ATXN7L1: variants seen among roughly 807,000 people sequenced by gnomAD.
ATXN7L1 encodes ataxin-7-like protein 1.
A neutral mutation model predicts 70.8 loss-of-function variants in ATXN7L1; 15 were observed. The ratio of observed to expected loss-of-function variants is 0.21; its 90% CI spans 0.14 to 0.33. The LOEUF (loss-of-function observed/expected upper bound fraction) is 0.33, where lower values mean the gene tolerates loss of function less well. Ranked by LOEUF, ATXN7L1 falls within the 10% of genes least tolerant of loss-of-function variation. The pLI, the probability that ATXN7L1 is intolerant of heterozygous loss-of-function variation, is 1.00. For synonymous variants in ATXN7L1, 440 were observed against 445.1 expected (o/e 0.99, Z 0.14); for missense variants, 975 against 1,097.1 (o/e 0.89, Z 1.57).
chr7:105,796,519 T>C (rs1411021092), intron 2 of ATXN7L1, among the ~76,000 whole-genome samples: 1 of 152,178 alleles, frequency 6.6e-6, no homozygotes. Context: ...AAAGCTGTGC[T>C]GGTGGCTGAC....
chr7:105,664,575 G>GTGTGTGTATATATA, intron 4 of ATXN7L1, among the ~76,000 whole-genome samples: 4,310 of 131,958 alleles, frequency 0.033, 189 homozygotes, highest in East Asian at 0.083. Context: ...GTATGTGTGT[G>GTGTGTGTATATATA]TATATATATA....
At chr7:105,820,041 C>T (rs1043054224) in intron 2 of ATXN7L1, 3 of 407,656 alleles carry the variant, frequency 7.4e-6, no homozygotes, top group East Asian at 6.4e-5. Flanking sequence ...GTGAAAAGAA[C>T]GTGGAGAAGA....
In ATXN7L1 at chr7:105,687,559, CT is replaced by C. The variant is rs1280039401; in HGVS notation, c.356-22272del. Among the ~76,000 whole-genome samples the C allele has an allele frequency of 9.9e-5, 15 of 152,244 alleles. 1 individual carries two copies. The highest frequency in any genetic ancestry group is 9.8e-4 in the Admixed American group (15 of 15,288). ...AGAAGGGGCCTCAGGAGAAACCAAA[CT>C]TGCTGGCACCTTAATCTTGGACCTC... On this transcript the variant is annotated intron_variant, in intron 3 of 11. Coordinates refer to ENST00000419735, the MANE Select transcript of ATXN7L1 (RefSeq NM_020725.2).
chr7:105,866,066 TTAATA>T (rs1470559931), intron 2 of ATXN7L1, among the ~76,000 whole-genome samples: 1 of 152,224 alleles, frequency 6.6e-6, no homozygotes, highest in Non-Finnish European at 1.5e-5. Flanking sequence ...TCACCTGTGG[TTAATA>T]TCATCGGACT....
intron 3 of ATXN7L1, among the ~76,000 whole-genome samples, chr7:105,665,880 G>C (rs1400719860): frequency 6.6e-6 from 1 of 152,230 alleles, no homozygotes; most frequent in Non-Finnish European, 1.5e-5. Flanking sequence ...CAGAGATTGA[G>C]GGCCACATGC....
chr7:105,822,787 GT>G (rs759244152), intron 2 of ATXN7L1, among the ~76,000 whole-genome samples: 3 of 152,194 alleles, frequency 2.0e-5, no homozygotes, highest in Non-Finnish European at 2.9e-5. Context: ...CATTCTCCCA[GT>G]GAGTTGTTTC....
chr7:105,731,497 C>T (rs577393310), intron 3 of ATXN7L1, among the ~76,000 whole-genome samples: 13 of 144,804 alleles, frequency 9.0e-5, no homozygotes, highest in Non-Finnish European at 1.3e-4. Context: ...TGCAATGGTG[C>T]GATCTCAGCT....
chr7:105,792,307 C>T (rs528395190), intron 2 of ATXN7L1, among the ~76,000 whole-genome samples: 1 of 152,202 alleles, frequency 6.6e-6, no homozygotes, highest in Non-Finnish European at 1.5e-5. Flanking sequence ...TGGGAATCTG[C>T]TTGATTATTC....
At chr7:105,627,995 C>T (rs1286676389) in intron 7 of ATXN7L1, among the ~76,000 whole-genome samples, 1 of 151,468 alleles carries the variant, frequency 6.6e-6, no homozygotes, top group Non-Finnish European at 1.5e-5. Flanking sequence ...CAGGTGTGTG[C>T]CACCATGCCC....
intron 2 of ATXN7L1, among the ~76,000 whole-genome samples, chr7:105,865,465 G>A (rs938551630): frequency 2.6e-5 from 4 of 151,024 alleles, no homozygotes; most frequent in African/African-American, 4.9e-5. Context: ...GCAGTGGCGC[G>A]ATCTCAGCTC....
Position 105,744,384 on chromosome 7 carries a change from A to G in ATXN7L1, c.355+44220T>C, listed in dbSNP as rs538447283. The stretch of plus-strand genomic sequence containing the variant: ...TCCCTTATCTTGCCCAAGAGCTTAG[A>G]GTATATTTAACATGCTCTGTGCCCA... On this transcript the variant is annotated intron_variant, in intron 3 of 11. Transcript: ENST00000419735. Among the ~76,000 whole-genome samples, 4 of 152,058 alleles carry G rather than the reference A, an allele frequency of 2.6e-5. No homozygotes were observed. The South Asian group carries it at 8.3e-4, about 32-fold the overall frequency.
At chr7:105,810,762 G>A (rs778786665) in intron 2 of ATXN7L1, among the ~76,000 whole-genome samples, 4 of 152,268 alleles carry the variant, frequency 2.6e-5, no homozygotes, top group Non-Finnish European at 5.9e-5. Context: ...CTGTGCCAGT[G>A]ACTCTGAGTG....
chr7:105,758,167 G>A (rs958334703), intron 3 of ATXN7L1, among the ~76,000 whole-genome samples: 1 of 152,154 alleles, frequency 6.6e-6, no homozygotes, highest in African/African-American at 2.4e-5. Flanking sequence ...ATTCCTGGTG[G>A]GCAGGCTGGG....
intron 3 of ATXN7L1, among the ~76,000 whole-genome samples, chr7:105,767,342 C>T (rs1314494802): frequency 1.3e-5 from 2 of 152,118 alleles, no homozygotes; most frequent in African/African-American, 4.8e-5. Flanking sequence ...AGCCCCTATA[C>T]TCGCCAGCCC....
intron 2 of ATXN7L1, among the ~76,000 whole-genome samples, chr7:105,846,852 C>T (rs571272315): frequency 1.3e-5 from 2 of 152,312 alleles, no homozygotes; most frequent in East Asian, 3.9e-4. Context: ...AAAGAAGCCA[C>T]ACATAAAAGG....
At chr7:105,612,884 C>T (rs1013844667) in intron 10 of ATXN7L1, among the ~76,000 whole-genome samples, 1 of 152,198 alleles carries the variant, frequency 6.6e-6, no homozygotes, top group African/African-American at 2.4e-5. Context: ...TCCTCAGGTC[C>T]CTAGATGGGG....
At chr7:105,628,940 T>G (rs1347955315) in intron 7 of ATXN7L1, among the ~76,000 whole-genome samples, 2 of 7,556 alleles carry the variant, frequency 2.6e-4, no homozygotes, top group Non-Finnish European at 9.8e-3. Context: ...AGTTACCGGG[T>G]TTTTTTTTTT....
intron 2 of ATXN7L1, among the ~76,000 whole-genome samples, chr7:105,806,363 TGCGGGCACCCTGATCGTGG>T (rs1381039420): frequency 6.6e-6 from 1 of 152,104 alleles, no homozygotes; most frequent in Non-Finnish European, 1.5e-5. Context: ...CCACTCACCA[TGCGGGCACCCTGATCGTGG>T]GTGTCAGCCT....
chr7:105,623,813 G>C (rs961190371), intron 8 of ATXN7L1, among the ~76,000 whole-genome samples: 1 of 152,142 alleles, frequency 6.6e-6, no homozygotes, highest in African/African-American at 2.4e-5. Context: ...ATAAATACTC[G>C]GGATTATCCA....
Sources: gnomAD v4.1 joint callset for allele counts (sites outside exome capture counted in the v4.1 genomes callset) on GRCh38, gnomAD v4.1.1 for gene constraint, MANE v1.5 for transcripts, NCBI Gene and HGNC (gene_info 2026-07-23, HGNC 2026-07-21) for gene names.